SH3TC2: variants seen among roughly 807,000 people sequenced by gnomAD.
SH3TC2 encodes SH3 domain and tetratricopeptide repeat-containing protein 2.
Under a neutral mutation model 124.5 loss-of-function variants are expected in SH3TC2, and 87 were observed. That is an observed-to-expected ratio of 0.70 (90% CI 0.59 to 0.84). The LOEUF is 0.84. Among genes scored for constraint, SH3TC2 ranks in the 40% least tolerant of loss-of-function variants. The pLI, the probability that SH3TC2 is intolerant of heterozygous loss-of-function variation, is 0.00. For synonymous variants in SH3TC2, 634 were observed against 628.5 expected (o/e 1.01, Z -0.13); for missense variants, 1,536 against 1,566.4 (o/e 0.98, Z 0.33).
In SH3TC2 at chr5:149,042,885, T is replaced by C. The variant is rs748768223; in HGVS notation, c.386-48A>G. 1.2e-5 allele frequency: 19 copies of C among 1,610,430 alleles called. No homozygotes were observed. The East Asian group carries it at 3.8e-4, about 32-fold the overall frequency. ...TTTCTGAACAAAATGATTTCTGACA[T>C]AGCTGAGCACAGAAGAGAGTGAGAA... On this transcript the variant is annotated intron_variant, in intron 4 of 16. Transcript: ENST00000515425.
At chr5:149,005,453 C>A (rs768656042) in intron 16 of SH3TC2, among the ~76,000 whole-genome samples, 2 of 152,208 alleles carry the variant, frequency 1.3e-5, no homozygotes, top group Non-Finnish European at 2.9e-5. Context: ...GTAGCTCAGC[C>A]TTCACATTCT....
intron 12 of SH3TC2, among the ~76,000 whole-genome samples, chr5:149,013,061 G>A (rs1046225463): frequency 6.6e-6 from 1 of 152,006 alleles, no homozygotes; most frequent in Non-Finnish European, 1.5e-5. Context: ...AATGTTTAAA[G>A]ATCACTTATA....
At chr5:149,053,097 G>C (rs1754585771) in intron 1 of SH3TC2, among the ~76,000 whole-genome samples, 1 of 152,172 alleles carries the variant, frequency 6.6e-6, no homozygotes, top group African/African-American at 2.4e-5. Context: ...CTGAAAAGCA[G>C]AGTTAGGGAA....
At chr5:149,062,336 C>T (rs536559251) in intron 1 of SH3TC2, 34 of 532,216 alleles carry the variant, frequency 6.4e-5, no homozygotes, top group South Asian at 4.8e-4. Context: ...GACCAACCAG[C>T]CTGGTTGGCC....
intron 12 of SH3TC2, 128 bp from the exon 13 acceptor site, chr5:149,012,862 G>C (rs1001878279): frequency 9.6e-7 from 1 of 1,041,100 alleles, no homozygotes; most frequent in African/African-American, 1.6e-5. Context: ...AGGTGGGCCT[G>C]ATTGAATGCC....
Position 148,987,261 on chromosome 5 carries a change from C to G in SH3TC2, c.*17450G>C, listed in dbSNP as rs1325556268. ...TGTTCTGAACAAAGATTGGTTCTATCTGTCACCATTGGGAATGTTCAGGAA... is the reference window on the plus strand; with the variant it reads ...TGTTCTGAACAAAGATTGGTTCTATGTGTCACCATTGGGAATGTTCAGGAA... On this transcript the variant is annotated 3_prime_UTR_variant, in exon 17 of 17. Transcript: ENST00000515425. Among the ~76,000 whole-genome samples, 1 of 152,216 alleles carries G rather than the reference C, an allele frequency of 6.6e-6. No homozygotes were observed. Among genetic ancestry groups the G allele is most frequent in the Non-Finnish European group, 1.5e-5 (1 of 68,038 alleles).
intron 12 of SH3TC2, among the ~76,000 whole-genome samples, chr5:149,023,676 G>C (rs1754015691): frequency 6.8e-6 from 1 of 146,062 alleles, no homozygotes; most frequent in Non-Finnish European, 1.5e-5. Flanking sequence ...CTCACCTCCT[G>C]GGTTCAAGCG....
chr5:149,032,628 C>T (rs1252974768), intron 8 of SH3TC2, among the ~76,000 whole-genome samples: 1 of 152,184 alleles, frequency 6.6e-6, no homozygotes, highest in Non-Finnish European at 1.5e-5. Context: ...CCATACAAGG[C>T]ACGTACTACT....
At chr5:149,054,854 C>T (rs534987183) in intron 1 of SH3TC2, among the ~76,000 whole-genome samples, 1 of 152,232 alleles carries the variant, frequency 6.6e-6, no homozygotes. Flanking sequence ...CAAGAAAATA[C>T]AATAGCCTGA....
At chr5:149,018,278 C>A (rs1349953365) in intron 12 of SH3TC2, among the ~76,000 whole-genome samples, 3 of 152,188 alleles carry the variant, frequency 2.0e-5, no homozygotes, top group Admixed American at 1.3e-4. Context: ...CCCATTGCAA[C>A]CCCCCGCCCC....
At position 148,996,184 on chromosome 5, in the gene SH3TC2, T is replaced by G. The variant is rs1485666647; in HGVS notation, c.*8527A>C. Among the ~76,000 whole-genome samples the G allele has an allele frequency of 6.6e-6, 1 of 151,926 alleles. No homozygotes were observed. The highest frequency in any genetic ancestry group is 1.5e-5 in the Non-Finnish European group (1 of 67,982). ...GGAGGATCACCCAAGCACCTGAGTC[T>G]AGAAGGTCGAGGTAGCAGTGAACCA... On this transcript the variant is annotated 3_prime_UTR_variant, in exon 17 of 17. Coordinates refer to ENST00000515425, the MANE Select transcript of SH3TC2 (RefSeq NM_024577.4).
Position 149,015,834 on chromosome 5 carries a change from A to G in SH3TC2, c.3054-3100T>C, listed in dbSNP as rs77704046. ...TCCTGTTTTGATGACAAAGATGGCCAAAAACTGAGGGCTGACTCTGTGTGA... is the reference window on the plus strand; with the variant it reads ...TCCTGTTTTGATGACAAAGATGGCCGAAAACTGAGGGCTGACTCTGTGTGA... On this transcript the variant is annotated intron_variant, in intron 12 of 16. Transcript: ENST00000515425. 6.8e-4 allele frequency among the ~76,000 whole-genome samples: 104 copies of G among 152,314 alleles called. 2 individuals carry two copies. In the East Asian group the frequency reaches 0.016, roughly 23 times the overall value.
rs1486227047 is a variant in SH3TC2, at chr5:148,987,119, A to G, written c.*17592T>C. Among the ~76,000 whole-genome samples the G allele has an allele frequency of 1.3e-5, 2 of 152,242 alleles. No individual in the cohort carries two copies. Among genetic ancestry groups the G allele is most frequent in the East Asian group, 3.9e-4 (2 of 5,194 alleles). On this transcript the variant is annotated 3_prime_UTR_variant, in exon 17 of 17. Coordinates refer to ENST00000515425, the MANE Select transcript of SH3TC2 (RefSeq NM_024577.4). ...TCCAAAATCATCTTATTAGTCTCAC[A>G]CTTTAGAAGAAATGTGTAAATCAAA...
rs1444603403 is a variant in SH3TC2 at position 149,052,192 on chromosome 5, G to T, written c.101C>A (p.Ala34Asp). ...KDPTVSSECI[A>D]SSEYKEKCFL... ...ACATTTTTCCTTGTATTCAGATGAG[G>T]CTATACACTCACTCGATACAGTTGG... The change falls in exon 2 of 17, where the codon GCC becomes GAC. Residue 34 changes from alanine (A) to aspartate (D), a missense_variant. Transcript: ENST00000515425. 1.9e-6 allele frequency: 3 copies of T among 1,613,678 alleles called. No individual in the cohort carries two copies. Among genetic ancestry groups the T allele is most frequent in the Non-Finnish European group, 2.5e-6 (3 of 1,179,642 alleles).
chr5:149,022,423 C>G (rs993646507), intron 12 of SH3TC2, among the ~76,000 whole-genome samples: 1 of 152,136 alleles, frequency 6.6e-6, no homozygotes, highest in Non-Finnish European at 1.5e-5. Context: ...ACATTGGAAC[C>G]CTTATGCCTT....
chr5:149,056,545 T>A lies in SH3TC2; in HGVS notation c.53-4305A>T, dbSNP rs934200464. ...TAATATTCCTGGAGCCCCTCTCTAC[T>A]TACTCTACCTTGAAATATCTAGGAG... On this transcript the variant is annotated intron_variant, in intron 1 of 16. Coordinates refer to ENST00000515425, the MANE Select transcript of SH3TC2 (RefSeq NM_024577.4). Among the ~76,000 whole-genome samples, 18 of 152,208 alleles carry A rather than the reference T, an allele frequency of 1.2e-4. 1 individual carries two copies. Among genetic ancestry groups the A allele is most frequent in the Admixed American group, 1.1e-3 (17 of 15,282 alleles).
At chr5:149,015,845 GC>G (rs1467504844) in intron 12 of SH3TC2, among the ~76,000 whole-genome samples, 1 of 152,188 alleles carries the variant, frequency 6.6e-6, no homozygotes, top group Non-Finnish European at 1.5e-5. Context: ...AAAACTGAGG[GC>G]TGACTCTGTG....
rs1157433385 is a variant in SH3TC2, at chr5:148,999,578, G to C, written c.*5133C>G. ...ACAAGGTCATGAAAAACAAGGAAAG[G>C]CAGAAACCGTCATAGACCAGAGATG... On this transcript the variant is annotated 3_prime_UTR_variant, in exon 17 of 17. Coordinates refer to ENST00000515425, the MANE Select transcript of SH3TC2 (RefSeq NM_024577.4). Among the ~76,000 whole-genome samples the C allele has an allele frequency of 6.6e-6, 1 of 152,174 alleles. No homozygotes were observed. The highest frequency in any genetic ancestry group is 1.5e-5 in the Non-Finnish European group (1 of 68,036).
intron 1 of SH3TC2, chr5:149,062,426 G>C (rs532881688): frequency 9.0e-5 from 47 of 521,256 alleles, no homozygotes; most frequent in Non-Finnish European, 1.8e-4. Flanking sequence ...TCTCCCATGA[G>C]TTGACAATTT....
Sources: gnomAD v4.1 joint callset for allele counts (sites outside exome capture counted in the v4.1 genomes callset) on GRCh38, gnomAD v4.1.1 for gene constraint, MANE v1.5 for transcripts, NCBI Gene and HGNC (gene_info 2026-07-23, HGNC 2026-07-21) for gene names.